The following PRRC2A variants were observed in gnomAD, a reference collection of about 807,000 sequenced individuals.
PRRC2A encodes protein PRRC2A.
In PRRC2A, 59 loss-of-function variants were observed where a neutral mutation model predicts 224.6. The observed-to-expected ratio is 0.26, with a 90% confidence interval of 0.21 to 0.33. The LOEUF is 0.33. PRRC2A is among the 10% of genes least tolerant of loss of function. The probability of loss-of-function intolerance (pLI) is 1.00; values close to 1 mark genes in which losing one functional copy is unlikely to be tolerated. For synonymous variants in PRRC2A, 1,194 were observed against 1,109.5 expected (o/e 1.08, Z -1.51); for missense variants, 3,095 against 2,880.7 (o/e 1.07, Z -1.70).
chr6:31,636,880 GCTC>G lies in PRRC2A; in HGVS notation c.6085_6087del (p.Pro2029del). 2 of 1,612,992 alleles carry G rather than the reference GCTC, an allele frequency of 1.2e-6. No homozygotes were observed. The highest frequency in any genetic ancestry group is 1.7e-6 in the Non-Finnish European group (2 of 1,180,022). On this transcript the variant is annotated inframe_deletion, in exon 28 of 31. Coordinates refer to ENST00000376033, the MANE Select transcript of PRRC2A (RefSeq NM_004638.4). This position sits in a 1 kb window ranked among gnomAD's most constrained non-coding sequence, Gnocchi z 4.3. Reference sequence around the variant, plus strand: ...CAGCCTGGCTGTGCGGCCCCCACCTGCTCCTGCTACTCGGGTGCTGCCTTCACC... The same window carrying G: ...CAGCCTGGCTGTGCGGCCCCCACCTGCTGCTACTCGGGTGCTGCCTTCACC...
chr6:31,636,632 C>T lies in PRRC2A; in HGVS notation c.5934+24C>T, dbSNP rs768719653. 1.9e-6 allele frequency: 3 copies of T among 1,588,508 alleles called. No homozygotes were observed. The highest frequency in any genetic ancestry group is 2.2e-5 in the East Asian group (1 of 44,634). On this transcript the variant is annotated intron_variant, in intron 27 of 30. Transcript: ENST00000376033. The surrounding 1 kb of genome is among the most constrained non-coding windows in gnomAD (Gnocchi z 4.3). ...AGGTATATTGTATCTTCACACTTCC[C>T]CTTCATTTGATTTCTCTGTCCAGTT...
chr6:31,623,281 T>TTG, intron 2 of PRRC2A: 1 of 403,760 alleles, frequency 2.5e-6, no homozygotes, highest in African/African-American at 2.2e-5. Flanking sequence ...TTTTTTTTTT[T>TTG]TTTGAGACCA....
At chr6:31,637,008 C>A in intron 28 of PRRC2A, 34 bp from the exon 29 acceptor site, 2 of 1,596,114 alleles carry the variant, frequency 1.3e-6, no homozygotes, top group Non-Finnish European at 1.7e-6. Flanking sequence ...TTCTGTATTT[C>A]AAGGTAGGCA....
chr6:31,624,802 AC>A, intron 5 of PRRC2A: 1 of 526,622 alleles, frequency 1.9e-6, no homozygotes, highest in Non-Finnish European at 3.3e-6. Context: ...AGAGCCTTCC[AC>A]TTTTTTTTTT....
chr6:31,621,951 G>A (rs1425162885), intron 1 of PRRC2A, among the ~76,000 whole-genome samples: 4 of 152,210 alleles, frequency 2.6e-5, no homozygotes, highest in Non-Finnish European at 5.9e-5. Context: ...AGGGTGCTAA[G>A]GTGGCTCCAT....
intron 12 of PRRC2A, chr6:31,628,799 C>T: frequency 3.5e-6 from 1 of 283,054 alleles, no homozygotes; most frequent in Non-Finnish European, 6.6e-6. Flanking sequence ...CAAGACCATG[C>T]CATTGCACTC....
chr6:31,625,085 A>C lies in PRRC2A; in HGVS notation c.464-86A>C. On this transcript the variant is annotated intron_variant, in intron 5 of 30. Transcript: ENST00000376033. The surrounding 1 kb of genome is among the most constrained non-coding windows in gnomAD (Gnocchi z 4.1). The stretch of plus-strand genomic sequence containing the variant: ...AGTGCTGGGATTACAGGCGTGAGCC[A>C]CCGCGCCCAGCCAGAGTCTTCCACT... The C allele has an allele frequency of 6.7e-7, 1 of 1,484,108 alleles. No homozygotes were observed. The highest frequency in any genetic ancestry group is 9.2e-7 in the Non-Finnish European group (1 of 1,087,156). 91.9% of individuals were successfully genotyped at this position (1,484,108 alleles called of 1,614,324 possible).
intron 18 of PRRC2A, 89 bp downstream of exon 18, chr6:31,634,078 T>C: frequency 6.3e-7 from 1 of 1,578,158 alleles, no homozygotes; most frequent in Non-Finnish European, 8.6e-7. Flanking sequence ...CTTTCCTGTT[T>C]CTTTCACTGT....
At chr6:31,624,158 T>C in intron 3 of PRRC2A, 103 bp from the exon 4 acceptor site, 1 of 1,237,220 alleles carries the variant, frequency 8.1e-7, no homozygotes, top group Non-Finnish European at 1.2e-6. Context: ...CTTATATTTG[T>C]AAATGGTAGC....
chr6:31,625,342 T>C lies in PRRC2A; in HGVS notation c.607+28T>C, dbSNP rs1365744905. On this transcript the variant is annotated intron_variant, in intron 6 of 30. Coordinates refer to ENST00000376033, the MANE Select transcript of PRRC2A (RefSeq NM_004638.4). The surrounding 1 kb of genome is among the most constrained non-coding windows in gnomAD (Gnocchi z 4.1). ...GAGTGGCTGCCTTTTGGCCAAGACA[T>C]TACCTATTGCATCTCAGAGCTAGGT... is the stretch of plus-strand genomic sequence containing the variant. 2.5e-6 allele frequency: 4 copies of C among 1,614,174 alleles called. No homozygotes were observed. In the East Asian group the frequency reaches 6.7e-5, roughly 27 times the overall value.
rs539672960 is a variant in PRRC2A at position 31,637,068 on chromosome 6, C to G, written c.6174C>G (p.Phe2058Leu). ...AELHPVELKPFQDYQKLSSNL... is the reference protein window; with the variant it reads ...AELHPVELKPLQDYQKLSSNL... ...TGCATCCAGTGGAACTAAAGCCGTT[C>G]CAGGATTATCAAAAACTGAGCAGCA... The change falls in exon 29 of 31, where the codon TTC becomes TTG. Residue 2058 changes from phenylalanine (F) to leucine (L), a missense_variant. Around this residue, in one of 8 missense-constraint regions of PRRC2A, gnomAD observed 662 missense variants for 609.5 expected, o/e 1.09. Transcript: ENST00000376033. 7 of 1,608,922 alleles carry G rather than the reference C, an allele frequency of 4.4e-6. No homozygotes were observed. The highest frequency in any genetic ancestry group is 2.2e-5 in the East Asian group (1 of 44,846).
In PRRC2A at chr6:31,622,731, T is replaced by C. The variant is rs558696886; in HGVS notation, c.-59T>C. The C allele has an allele frequency of 7.7e-7, 1 of 1,306,402 alleles. No homozygotes were observed. Among genetic ancestry groups the C allele is most frequent in the African/African-American group, 1.5e-5 (1 of 68,078 alleles). 80.9% of individuals were successfully genotyped at this position (1,306,402 alleles called of 1,614,324 possible). On this transcript the variant is annotated 5_prime_UTR_variant, in exon 2 of 31. Transcript: ENST00000376033. ...CACTTGCTGTCTGGCCCACAGGCTC[T>C]GGCACGTTTTGGGGGAGGTGCCTGC...
At position 31,635,563 on chromosome 6, in the gene PRRC2A, C is replaced by T. The variant is rs779041101; in HGVS notation, c.5374-19C>T. The T allele has an allele frequency of 4.3e-6, 7 of 1,610,502 alleles. No individual in the cohort carries two copies. Among genetic ancestry groups the T allele is most frequent in the Middle Eastern group, 1.6e-4 (1 of 6,076 alleles). On this transcript the variant is annotated intron_variant, in intron 23 of 30. Transcript: ENST00000376033. ...CCAGGATGCCAGACATCCCTCTCCA[C>T]GAGGCCTCTCCTTCCCAGGCCATTC...
rs1776587579 is a variant in PRRC2A, at chr6:31,631,579, T to A, written c.2906T>A (p.Leu969His). The A allele has an allele frequency of 1.9e-6, 3 of 1,575,440 alleles. No homozygotes were observed. Among genetic ancestry groups the A allele is most frequent in the Non-Finnish European group, 2.6e-6 (3 of 1,165,030 alleles). ...GTAGAAGAGCTGCCTCCCAAGCCCC[T>A]CGAACAGGGGGATGAAACCCCCAAA... Reference protein sequence around the residue: ...TKVEELPPKPLEQGDETPKPP... With the variant: ...TKVEELPPKPHEQGDETPKPP... The change falls in exon 16 of 31, where the codon CTC becomes CAC. Residue 969 changes from leucine (L) to histidine (H), a missense_variant. Leu to His is a moderately conservative substitution (Grantham distance 99). Transcript: ENST00000376033. This position sits in a 1 kb window ranked among gnomAD's most constrained non-coding sequence, Gnocchi z 4.5.
rs1399720103 is a variant in PRRC2A at position 31,630,642 on chromosome 6, T to C, written c.2306T>C (p.Phe769Ser). The change falls in exon 15 of 31, where the codon TTT (phenylalanine) becomes TCT (serine). Residue 769 changes from phenylalanine to serine, a missense_variant. Coordinates refer to ENST00000376033, the MANE Select transcript of PRRC2A (RefSeq NM_004638.4). The part of the protein sequence containing the change: ...SDSGGSSSEP[F>S]DRHAPAMLRE... ...AGTGGGGGCTCAAGCTCAGAGCCAT[T>C]TGACCGTCATGCACCTGCTATGTTA... 4.3e-6 allele frequency: 7 copies of C among 1,614,010 alleles called. 1 individual carries two copies. The South Asian group carries it at 5.5e-5, about 13-fold the overall frequency.
Position 31,627,052 on chromosome 6 carries a change from A to G in PRRC2A, c.1144A>G (p.Asn382Asp). The change falls in exon 11 of 31, where the codon AAC becomes GAC. Residue 382 changes from asparagine (N) to aspartate (D), a missense_variant. Physicochemically the swap from Asn to Asp is conservative, Grantham distance 23. Around this residue, in one of 8 missense-constraint regions of PRRC2A, gnomAD observed 2,001 missense variants for 1,764.9 expected, o/e 1.13. Transcript: ENST00000376033. The surrounding 1 kb of genome is among the most constrained non-coding windows in gnomAD (Gnocchi z 5.6). Reference sequence around the variant, plus strand: ...AGATGGCAAAAAGGGCAACTCCCCCAACAGCGAACCGCCCACTCCTAAGAC... The same window carrying G: ...AGATGGCAAAAAGGGCAACTCCCCCGACAGCGAACCGCCCACTCCTAAGAC... ...EADGKKGNSP[N>D]SEPPTPKTAW... 1 of 1,614,184 alleles carries G rather than the reference A, an allele frequency of 6.2e-7. No individual in the cohort carries two copies. Among genetic ancestry groups the G allele is most frequent in the South Asian group, 1.1e-5 (1 of 91,086 alleles).
At chr6:31,635,088 T>A (rs1163108037) in intron 21 of PRRC2A, 44 bp from the exon 22 acceptor site, 7 of 1,603,448 alleles carry the variant, frequency 4.4e-6, no homozygotes, top group Middle Eastern at 1.7e-4. Context: ...AATTTGGATT[T>A]CCCTTTCCCT....
intron 1 of PRRC2A, among the ~76,000 whole-genome samples, chr6:31,621,300 C>G (rs1026795347): frequency 5.4e-5 from 8 of 147,618 alleles, no homozygotes; most frequent in Non-Finnish European, 7.6e-5. Flanking sequence ...GTTCCCCCCT[C>G]TGGACGCCCC....
In PRRC2A at chr6:31,627,495, A is replaced by G. The variant is rs1776046214; in HGVS notation, c.1291-270A>G. 6.6e-6 allele frequency among the ~76,000 whole-genome samples: 1 copy of G among 152,144 alleles called. No homozygotes were observed. Among genetic ancestry groups the G allele is most frequent in the Non-Finnish European group, 1.5e-5 (1 of 68,022 alleles). ...AAGACTAGGGTGGCTAGATAGCTGG[A>G]TCTGTTAGTATGCATCAGTAGTCCA... On this transcript the variant is annotated intron_variant, in intron 11 of 30. Transcript: ENST00000376033. This position sits in a 1 kb window ranked among gnomAD's most constrained non-coding sequence, Gnocchi z 5.6.
Sources: allele counts gnomAD v4.1 joint callset (sites outside exome capture counted in the v4.1 genomes callset), GRCh38; gene constraint gnomAD v4.1.1; regional missense constraint gnomAD v4.1.1; non-coding constraint Gnocchi (gnomAD v3.1); transcripts MANE v1.5; gene names NCBI Gene and HGNC (gene_info 2026-07-23, HGNC 2026-07-21).